ME3: variants seen among roughly 807,000 people sequenced by gnomAD.
The protein encoded by ME3 is NADP-dependent malic enzyme, mitochondrial.
In ME3, 48 loss-of-function variants were observed where a neutral mutation model predicts 68.9. The ratio of observed to expected loss-of-function variants is 0.70; its 90% confidence interval spans 0.55 to 0.89. ME3 has a LOEUF of 0.89. Among genes scored for constraint, ME3 ranks in the 40% least tolerant of loss-of-function variants. The pLI, the probability that ME3 is intolerant of heterozygous loss-of-function variation, is 0.00. For missense variants in ME3, 675 were observed against 797.4 expected, an observed-to-expected ratio of 0.85 and a Z score of 1.85; for synonymous variants, 320 against 318.8, an observed-to-expected ratio of 1.00 and a Z score of -0.04.
intron 4 of ME3, among the ~76,000 whole-genome samples, chr11:86,527,025 G>A (rs915769285): frequency 6.6e-5 from 10 of 152,230 alleles, no homozygotes; most frequent in African/African-American, 1.9e-4. Flanking sequence ...GAATGACTTT[G>A]ACAGGTTGAG....
chr11:86,564,742 A>G (rs1458447755), intron 2 of ME3, among the ~76,000 whole-genome samples: 1 of 152,168 alleles, frequency 6.6e-6, no homozygotes, highest in African/African-American at 2.4e-5. Context: ...CCAAAACCAT[A>G]AAACAGAAGA....
intron 2 of ME3, among the ~76,000 whole-genome samples, chr11:86,566,426 A>G (rs1047917951): frequency 6.6e-6 from 1 of 152,226 alleles, no homozygotes; most frequent in Non-Finnish European, 1.5e-5. Flanking sequence ...AGCTCCCTTC[A>G]TTCCTCTGCC....
At chr11:86,515,005 G>A (rs2511090) in intron 4 of ME3, among the ~76,000 whole-genome samples, 38,298 of 152,070 alleles carry the variant, frequency 0.25, 5,355 homozygotes, top group African/African-American at 0.38. Context: ...ATCCATTTTA[G>A]TATGCATGTT....
chr11:86,504,485 G>T (rs1436392266), intron 5 of ME3, among the ~76,000 whole-genome samples: 1 of 141,942 alleles, frequency 7.0e-6, no homozygotes, highest in African/African-American at 2.6e-5. Context: ...CTGCCTCCCA[G>T]GCTCAAGTGA....
chr11:86,617,106 C>T (rs960765387), intron 2 of ME3, among the ~76,000 whole-genome samples: 3 of 112,822 alleles, frequency 2.7e-5, no homozygotes, highest in Non-Finnish European at 5.0e-5. Flanking sequence ...GATCTGGAGC[C>T]AGTATGATTT....
chr11:86,569,240 C>T (rs1313175911), intron 2 of ME3, among the ~76,000 whole-genome samples: 1 of 152,224 alleles, frequency 6.6e-6, no homozygotes, highest in Non-Finnish European at 1.5e-5. Flanking sequence ...GCTGAAGTGA[C>T]ATTACCACAT....
chr11:86,604,185 T>C (rs1306282847), intron 2 of ME3, among the ~76,000 whole-genome samples: 1 of 152,096 alleles, frequency 6.6e-6, no homozygotes, highest in Non-Finnish European at 1.5e-5. Flanking sequence ...AGTTTCATCA[T>C]GCAGATGAAG....
At chr11:86,534,835 C>T (rs997618133) in intron 4 of ME3, among the ~76,000 whole-genome samples, 2 of 151,960 alleles carry the variant, frequency 1.3e-5, no homozygotes, top group Non-Finnish European at 2.9e-5. Context: ...TTTTGTTTTC[C>T]CAGGGTAATG....
Position 86,447,095 on chromosome 11 carries a change from G to T in ME3, c.1350C>A (p.Cys450Ter). ...TGACCCGGTAGCACTTCTCAGCCGT[G>T]CACTCGGCCTTGCTGGTGGGGTTGC... The change falls in exon 12 of 15, where the codon TGC (cysteine) becomes TGA (stop). Residue 450 changes from cysteine to a stop codon, truncating the protein, a stop_gained. Coordinates refer to ENST00000543262, the Ensembl canonical transcript of ME3. LOFTEE classifies it high-confidence loss of function. 6.2e-7 allele frequency: 1 copy of T among 1,614,218 alleles called. No individual in the cohort carries two copies. Among genetic ancestry groups the T allele is most frequent in the Non-Finnish European group, 8.5e-7 (1 of 1,180,038 alleles).
At chr11:86,475,874 T>TATATATATATATATATAG in intron 7 of ME3, among the ~76,000 whole-genome samples, 3 of 91,468 alleles carry the variant, frequency 3.3e-5, no homozygotes, top group Admixed American at 1.1e-4. Flanking sequence ...TATATATATA[T>TATATATATATATATATAG]AGAGAGAGAG....
chr11:86,561,177 C>T (rs1957213105), intron 2 of ME3, among the ~76,000 whole-genome samples: 1 of 152,102 alleles, frequency 6.6e-6, no homozygotes, highest in African/African-American at 2.4e-5. Context: ...CTTTGACATA[C>T]TACCCATAAT....
chr11:86,441,120 G>A (rs541260655), exon 15 of ME3: 90 of 629,524 alleles, frequency 1.4e-4, no homozygotes, highest in Non-Finnish European at 1.1e-4. Context: ...CAGAGACAAG[G>A]CTTTTATTCA....
chr11:86,461,243 G>A (rs971663973), intron 8 of ME3, among the ~76,000 whole-genome samples: 2 of 152,160 alleles, frequency 1.3e-5, no homozygotes, highest in African/African-American at 4.8e-5. Context: ...CTGTGTGGCC[G>A]TGAGCAAGCT....
chr11:86,523,709 C>T (rs1432604226), intron 4 of ME3, among the ~76,000 whole-genome samples: 1 of 152,048 alleles, frequency 6.6e-6, no homozygotes, highest in Non-Finnish European at 1.5e-5. Context: ...GCAATTTTCA[C>T]TAAAAATCGT....
intron 2 of ME3, among the ~76,000 whole-genome samples, chr11:86,638,835 T>C (rs1260394135): frequency 2.6e-5 from 4 of 152,162 alleles, no homozygotes; most frequent in African/African-American, 4.8e-5. Flanking sequence ...AGGATGTAAA[T>C]CCATGTCCCT....
At chr11:86,647,532 T>C (rs898715962) in intron 2 of ME3, among the ~76,000 whole-genome samples, 9 of 147,186 alleles carry the variant, frequency 6.1e-5, no homozygotes, top group African/African-American at 2.2e-4. Flanking sequence ...AAGACACACA[T>C]AGGCTCAGAA....
chr11:86,439,996 C>T (rs997488683), downstream of ME3, among the ~76,000 whole-genome samples: 9 of 152,100 alleles, frequency 5.9e-5, no homozygotes, highest in South Asian at 2.1e-4. Flanking sequence ...AGCACCAGCA[C>T]CAAGGAAGCA....
chr11:86,541,836 C>A (rs1454108857), intron 4 of ME3, among the ~76,000 whole-genome samples: 4 of 152,230 alleles, frequency 2.6e-5, no homozygotes, highest in Non-Finnish European at 4.4e-5. Flanking sequence ...TCCCTGACCC[C>A]CATGCCTCCT....
At chr11:86,446,624 G>C (rs189654062) in intron 12 of ME3, 137 bp from the exon 13 acceptor site, 35 of 812,698 alleles carry the variant, frequency 4.3e-5, no homozygotes, top group Non-Finnish European at 5.6e-5. Flanking sequence ...GAACATGGCA[G>C]GTATTTAAAG....
Sources: allele counts gnomAD v4.1 joint callset (sites outside exome capture counted in the v4.1 genomes callset), GRCh38; gene constraint gnomAD v4.1.1; transcripts MANE v1.5; gene names NCBI Gene and HGNC (gene_info 2026-07-23, HGNC 2026-07-21).